Variants in RANBP10 observed in about 807,000 individuals in gnomAD.
RANBP10 encodes the protein ran-binding protein 10.
Under a neutral mutation model 72.8 loss-of-function variants are expected in RANBP10, and 24 were observed. That is an observed-to-expected ratio of 0.33 (90% CI 0.24 to 0.46). The LOEUF (loss-of-function observed/expected upper bound fraction) is 0.46. Among genes scored for constraint, RANBP10 ranks in the 20% least tolerant of loss-of-function variants. The probability of loss-of-function intolerance (pLI) is 1.00; values close to 1 mark genes in which losing one functional copy is unlikely to be tolerated. For missense variants in RANBP10, 679 were observed against 817.5 expected (o/e 0.83, Z 2.07); for synonymous variants, 310 against 322.3 (o/e 0.96, Z 0.41).
chr16:67,798,378 CCA>C (rs2055171883), intron 2 of RANBP10, among the ~76,000 whole-genome samples: 1 of 152,158 alleles, frequency 6.6e-6, no homozygotes, highest in Non-Finnish European at 1.5e-5. Flanking sequence ...GAGAAGCCAG[CCA>C]CAGCTGTCTC....
intron 4 of RANBP10, among the ~76,000 whole-genome samples, chr16:67,740,578 G>A (rs2053950099): frequency 6.6e-6 from 1 of 152,088 alleles, no homozygotes; most frequent in Non-Finnish European, 1.5e-5. Context: ...AGGTCTCCCA[G>A]AAACCTGGCC....
At chr16:67,786,522 C>T (rs1395100257) in intron 2 of RANBP10, among the ~76,000 whole-genome samples, 1 of 152,134 alleles carries the variant, frequency 6.6e-6, no homozygotes, top group Admixed American at 6.6e-5. Context: ...AGAATCTATA[C>T]AGATAGCCAC....
rs139087878 is a variant in RANBP10 at position 67,806,363 on chromosome 16, G to A, written c.174C>T (p.Ser58=). 3,203 of 1,613,274 alleles carry A rather than the reference G, an allele frequency of 2.0e-3. 67 individuals carry two copies. The Admixed American group carries it at 0.046, about 23-fold the overall frequency. ...CAATGTAGTTGTATTTGTCCTTGGG[G>A]CTCCAGGAGCGCGGCAGCGGAGTCT... ...QQETPLPRSW[S]PKDKYNYIGL... The change falls in exon 1 of 14, where the codon AGC becomes AGT. Residue 58 remains serine, a synonymous_variant. Transcript: ENST00000317506.
chr16:67,793,895 T>C (rs1178534992), intron 2 of RANBP10, among the ~76,000 whole-genome samples: 1 of 152,078 alleles, frequency 6.6e-6, no homozygotes, highest in East Asian at 1.9e-4. Flanking sequence ...ATTTATTTAT[T>C]TTTGAGACGA....
At chr16:67,803,872 C>T (rs1291401200) in intron 2 of RANBP10, among the ~76,000 whole-genome samples, 1 of 147,308 alleles carries the variant, frequency 6.8e-6, no homozygotes, top group African/African-American at 2.5e-5. Flanking sequence ...GAGAAAGATA[C>T]AGCAGCTTCC....
At chr16:67,797,823 A>G (rs968543190) in intron 2 of RANBP10, among the ~76,000 whole-genome samples, 2 of 151,716 alleles carry the variant, frequency 1.3e-5, no homozygotes, top group African/African-American at 4.8e-5. Flanking sequence ...AAAATAAATT[A>G]AATAAATAAA....
intron 2 of RANBP10, among the ~76,000 whole-genome samples, chr16:67,801,396 G>C (rs532304838): frequency 2.0e-5 from 3 of 152,250 alleles, no homozygotes; most frequent in Non-Finnish European, 4.4e-5. Flanking sequence ...GGCAGCAGCA[G>C]CATGGACATG....
Position 67,768,523 on chromosome 16 carries a change from A to AAAAAAT in RANBP10, c.400+3505_400+3510dup, listed in dbSNP as rs200140407. Reference sequence around the variant, plus strand: ...GTGACAGAGTGAGACTCTGTCTCAAAAAAAATAAAAATAAAAATAAAAATA... The same window carrying AAAAAAT: ...GTGACAGAGTGAGACTCTGTCTCAAAAAAAATAAAAATAAAAATAAAAATAAAAATA... On this transcript the variant is annotated intron_variant, in intron 3 of 13. Coordinates refer to ENST00000317506, the MANE Select transcript of RANBP10 (RefSeq NM_020850.3). 1.6e-3 allele frequency among the ~76,000 whole-genome samples: 243 copies of AAAAAAT among 151,702 alleles called. 1 individual carries two copies. The highest frequency in any genetic ancestry group is 3.4e-3 in the Middle Eastern group (1 of 294).
chr16:67,729,617 T>A lies in RANBP10; in HGVS notation c.1147+63A>T, dbSNP rs951643454. 13 of 1,564,512 alleles carry A rather than the reference T, an allele frequency of 8.3e-6. No homozygotes were observed. Among genetic ancestry groups the A allele is most frequent in the Non-Finnish European group, 1.1e-5 (13 of 1,155,506 alleles). ...GCCCTGAGCCCAGCCCAGGAAAGGG[T>A]ATGTGGAGTGGCCTCTCTCCTCCAC... On this transcript the variant is annotated intron_variant, in intron 9 of 13. Transcript: ENST00000317506. The surrounding 1 kb of genome is among the most constrained non-coding windows in gnomAD (Gnocchi z 7.1).
chr16:67,744,592 C>G, intron 3 of RANBP10, 137 bp from the exon 4 acceptor site: 1 of 902,728 alleles, frequency 1.1e-6, no homozygotes, highest in South Asian at 1.7e-5. Flanking sequence ...TCTAGCAGAG[C>G]CACCAATAGA....
Position 67,803,101 on chromosome 16 carries a change from C to T in RANBP10, c.347+2327G>A, listed in dbSNP as rs76398233. 8.9e-3 allele frequency among the ~76,000 whole-genome samples: 1,358 copies of T among 152,292 alleles called. 53 individuals are homozygous for T. Among genetic ancestry groups the T allele is most frequent in the East Asian group, 0.069 (360 of 5,184 alleles). Reference sequence around the variant, plus strand: ...TTTTCAAGGTGCTTGTTTTAAGGGGCTATTCTCATTCACACTAGTTCAAGC... The same window carrying T: ...TTTTCAAGGTGCTTGTTTTAAGGGGTTATTCTCATTCACACTAGTTCAAGC... On this transcript the variant is annotated intron_variant, in intron 2 of 13. Coordinates refer to ENST00000317506, the MANE Select transcript of RANBP10 (RefSeq NM_020850.3).
At chr16:67,750,805 T>G (rs1439466139) in intron 3 of RANBP10, among the ~76,000 whole-genome samples, 2 of 150,188 alleles carry the variant, frequency 1.3e-5, no homozygotes, top group African/African-American at 4.9e-5. Context: ...CTCACTCTGT[T>G]GCCCAGGCTG....
chr16:67,778,379 A>G (rs2054748629), intron 2 of RANBP10, among the ~76,000 whole-genome samples: 1 of 152,240 alleles, frequency 6.6e-6, no homozygotes, highest in East Asian at 1.9e-4. Flanking sequence ...TTTTTTGCTT[A>G]TATTACACCA....
At chr16:67,762,266 C>T (rs2054411256) in intron 3 of RANBP10, among the ~76,000 whole-genome samples, 1 of 152,136 alleles carries the variant, frequency 6.6e-6, no homozygotes, top group African/African-American at 2.4e-5. Context: ...ATCCCAATCT[C>T]TAAAAAGTAA....
intron 3 of RANBP10, among the ~76,000 whole-genome samples, chr16:67,756,979 C>A (rs1053636158): frequency 3.3e-5 from 5 of 152,096 alleles, no homozygotes; most frequent in Non-Finnish European, 7.4e-5. Flanking sequence ...CCGAGGTGGG[C>A]GGATCACCTG....
rs745747691 is a variant in RANBP10, at chr16:67,729,369, A to AGAGGACGAGGAGGAGGAG, written c.1245_1262dup (p.Ser417_Ser422dup). 4 of 1,611,896 alleles carry AGAGGACGAGGAGGAGGAG rather than the reference A, an allele frequency of 2.5e-6. No individual in the cohort carries two copies. The South Asian group carries it at 4.4e-5, about 18-fold the overall frequency. On this transcript the variant is annotated inframe_insertion, in exon 10 of 14. Transcript: ENST00000317506. This position sits in a 1 kb window ranked among gnomAD's most constrained non-coding sequence, Gnocchi z 7.1. ...CGGAGTAATTGACGGAGGATGGGGA[A>AGAGGACGAGGAGGAGGAG]GAGGACGAGGAGGAGGAGGAGGACG...
chr16:67,737,147 T>G (rs1476508632), intron 5 of RANBP10, among the ~76,000 whole-genome samples: 1 of 1,674 alleles, frequency 6.0e-4, no homozygotes, highest in Non-Finnish European at 2.4e-3. Context: ...CCTTTTCTGT[T>G]TTTTTTTTTT....
intron 2 of RANBP10, among the ~76,000 whole-genome samples, chr16:67,776,726 C>T (rs1233425446): frequency 2.0e-5 from 3 of 147,254 alleles, no homozygotes; most frequent in Non-Finnish European, 4.5e-5. Context: ...AAGCTGAGAT[C>T]GAGCCACTGC....
chr16:67,729,852 T>C lies in RANBP10; in HGVS notation c.999-24A>G, dbSNP rs1299837296. The C allele has an allele frequency of 6.2e-7, 1 of 1,613,512 alleles. No individual in the cohort carries two copies. The highest frequency in any genetic ancestry group is 2.2e-5 in the East Asian group (1 of 44,858). On this transcript the variant is annotated intron_variant, in intron 8 of 13. Transcript: ENST00000317506. The surrounding 1 kb of genome is among the most constrained non-coding windows in gnomAD (Gnocchi z 7.1). ...ACCTGTGGAGGGAGCGGAGCAATAA[T>C]GCTCTGGTTGTGGTCCAGGTTGACG... is the stretch of plus-strand genomic sequence containing the variant.
Sources: gnomAD v4.1 joint callset for allele counts (sites outside exome capture counted in the v4.1 genomes callset) on GRCh38, gnomAD v4.1.1 for gene constraint, Gnocchi (gnomAD v3.1) non-coding constraint, MANE v1.5 for transcripts, NCBI Gene and HGNC (gene_info 2026-07-23, HGNC 2026-07-21) for gene names.